SYNJ1: variants seen among roughly 807,000 people sequenced by gnomAD.
SYNJ1 encodes polyphosphatidylinositol phosphatase SYNJ1.
In SYNJ1, 78 loss-of-function variants were observed where a neutral mutation model predicts 168.2. That is an observed-to-expected ratio of 0.46 (90% CI 0.39 to 0.56). The LOEUF (loss-of-function observed/expected upper bound fraction) is 0.56, where lower values mean the gene tolerates loss of function less well. SYNJ1 is among the 20% of genes least tolerant of loss of function. The probability of loss-of-function intolerance (pLI) is 0.00; values close to 1 mark genes in which losing one functional copy is unlikely to be tolerated. For synonymous variants in SYNJ1, 539 were observed against 548.6 expected, an observed-to-expected ratio of 0.98 and a Z score of 0.24; for missense variants, 1,303 against 1,597.6, an observed-to-expected ratio of 0.82 and a Z score of 3.14.
chr21:32,645,077 T>G (rs1032566908), intron 25 of SYNJ1, 71 bp from the exon 26 acceptor site: 2 of 1,460,736 alleles, frequency 1.4e-6, no homozygotes, highest in Middle Eastern at 1.9e-4. Context: ...TGTCAAAGAT[T>G]GCTATAGTAT....
intron 18 of SYNJ1, among the ~76,000 whole-genome samples, chr21:32,662,182 C>T (rs2040734852): frequency 6.6e-6 from 1 of 152,182 alleles, no homozygotes; most frequent in Non-Finnish European, 1.5e-5. Context: ...ATGACAAGCC[C>T]TGCTCCAGTC....
chr21:32,646,266 TC>T, intron 24 of SYNJ1, 126 bp downstream of exon 24: 4 of 900,280 alleles, frequency 4.4e-6, no homozygotes, highest in Non-Finnish European at 7.0e-6. Context: ...CTACAAGTTT[TC>T]CTATTCTGTA....
At chr21:32,645,347 C>G (rs2040013722) in intron 25 of SYNJ1, among the ~76,000 whole-genome samples, 1 of 151,906 alleles carries the variant, frequency 6.6e-6, no homozygotes, top group Non-Finnish European at 1.5e-5. Flanking sequence ...CTAATTTTAC[C>G]TAAGAACAGT....
chr21:32,686,364 T>C (rs899154984), intron 8 of SYNJ1, among the ~76,000 whole-genome samples: 1 of 152,206 alleles, frequency 6.6e-6, no homozygotes, highest in Non-Finnish European at 1.5e-5. Flanking sequence ...CTTTTGGACT[T>C]AGGAGATTGA....
chr21:32,725,567 C>A (rs532511819), intron 2 of SYNJ1, among the ~76,000 whole-genome samples: 1 of 152,228 alleles, frequency 6.6e-6, no homozygotes, highest in South Asian at 2.1e-4. Context: ...ATGTCACTAT[C>A]TTTTTCCCCA....
At position 32,640,597 on chromosome 21, in the gene SYNJ1, G is replaced by C. The variant is rs116796910; in HGVS notation, c.3589-818C>G. Among the ~76,000 whole-genome samples, 508 of 152,202 alleles carry C rather than the reference G, an allele frequency of 3.3e-3. 2 individuals carry two copies. Among genetic ancestry groups the C allele is most frequent in the African/African-American group, 0.012 (478 of 41,528 alleles). ...GGCGTGAGCCACCGTACCTGGTCAA[G>C]ATTTGTTTTTTAAGAGATGGGGTCT... On this transcript the variant is annotated intron_variant, in intron 29 of 32. Coordinates refer to ENST00000674351, the MANE Select transcript of SYNJ1 (RefSeq NM_203446.3).
rs761829649 is a variant in SYNJ1 at position 32,646,560 on chromosome 21, GGAA to G, written c.3077_3079del (p.Leu1026del). On this transcript the variant is annotated inframe_deletion, in exon 24 of 33. Transcript: ENST00000674351. ...ACTTGAAGATGGCTGGAGATGCTGA[GGAA>G]GAAGTTCCTCCACTTCAGCACTATA... 1 of 1,614,104 alleles carries G rather than the reference GGAA, an allele frequency of 6.2e-7. No individual in the cohort carries two copies.
intron 31 of SYNJ1, among the ~76,000 whole-genome samples, chr21:32,636,338 T>C (rs187996964): frequency 6.6e-6 from 1 of 152,364 alleles, no homozygotes; most frequent in Admixed American, 6.5e-5. Context: ...TAACATGTTA[T>C]ATAATCACTC....
chr21:32,660,719 A>T lies in SYNJ1; in HGVS notation c.2305-2847T>A, dbSNP rs151271589. On this transcript the variant is annotated intron_variant, in intron 18 of 32. Coordinates refer to ENST00000674351, the MANE Select transcript of SYNJ1 (RefSeq NM_203446.3). ...CGGGCTCTAGAACTCAGTGAAGGTA[A>T]GACTGTAAACATCTACACTGACTCT... 4.2e-3 allele frequency among the ~76,000 whole-genome samples: 644 copies of T among 152,318 alleles called. 3 individuals are homozygous for T. The highest frequency in any genetic ancestry group is 0.014 in the African/African-American group (599 of 41,566).
intron 2 of SYNJ1, among the ~76,000 whole-genome samples, chr21:32,704,066 T>C (rs1822936981): frequency 6.6e-6 from 1 of 152,178 alleles, no homozygotes; most frequent in Admixed American, 6.6e-5. Context: ...GAAGTCATTC[T>C]ATAACTTAAA....
chr21:32,677,254 G>A (rs2041448524), intron 12 of SYNJ1, among the ~76,000 whole-genome samples: 1 of 152,028 alleles, frequency 6.6e-6, no homozygotes, highest in Non-Finnish European at 1.5e-5. Flanking sequence ...AGTTCTGCTG[G>A]GTGCACTTTT....
intron 31 of SYNJ1, among the ~76,000 whole-genome samples, chr21:32,637,948 C>T (rs1295136865): frequency 1.3e-5 from 2 of 152,158 alleles, no homozygotes; most frequent in East Asian, 1.9e-4. Context: ...GCTGGACATA[C>T]CTATATATCT....
At chr21:32,719,914 TAAGTA>T (rs1241251745) in intron 2 of SYNJ1, among the ~76,000 whole-genome samples, 2 of 151,922 alleles carry the variant, frequency 1.3e-5, no homozygotes, top group African/African-American at 2.4e-5. Context: ...ACAGAACTAT[TAAGTA>T]TTGTTTGTGG....
chr21:32,691,835 C>T (rs1315987397), intron 6 of SYNJ1, among the ~76,000 whole-genome samples: 3 of 152,142 alleles, frequency 2.0e-5, no homozygotes, highest in Non-Finnish European at 4.4e-5. Context: ...AGGAAGAACT[C>T]AAGTATTTAG....
At chr21:32,648,643 C>T (rs2040160346) in intron 23 of SYNJ1, among the ~76,000 whole-genome samples, 2 of 152,162 alleles carry the variant, frequency 1.3e-5, no homozygotes, top group Non-Finnish European at 1.5e-5. Flanking sequence ...TCTGTGTTTC[C>T]ACATACTCAA....
At position 32,678,773 on chromosome 21, in the gene SYNJ1, C is replaced by T. The variant is rs2041511691; in HGVS notation, c.1382G>A (p.Arg461Gln). 3 of 1,612,360 alleles carry T rather than the reference C, an allele frequency of 1.9e-6. No individual in the cohort carries two copies. Among genetic ancestry groups the T allele is most frequent in the African/African-American group, 1.3e-5 (1 of 74,888 alleles). The change falls in exon 12 of 33, where the codon CGA (arginine) becomes CAA (glutamine). Residue 461 changes from arginine to glutamine, a missense_variant. Physicochemically the swap from Arg to Gln is conservative, Grantham distance 43. Transcript: ENST00000674351. ...GTCAAAGAAGTTATTCTGAATTGTT[C>T]GGGTAACAGAGCGAGCACCATCTTT... ...KLKDGARSVTRTIQNNFFDSS... is the reference protein window; with the variant it reads ...KLKDGARSVTQTIQNNFFDSS...
intron 12 of SYNJ1, among the ~76,000 whole-genome samples, chr21:32,677,420 G>C (rs1601390117): frequency 1.3e-5 from 2 of 152,008 alleles, no homozygotes; most frequent in Admixed American, 6.6e-5. Flanking sequence ...TTTTTTAAAG[G>C]TATGATTTTA....
At chr21:32,639,535 G>A (rs1704543817) in intron 30 of SYNJ1, 136 bp downstream of exon 30, 3 of 674,792 alleles carry the variant, frequency 4.4e-6, no homozygotes, top group East Asian at 2.7e-5. Flanking sequence ...GGGACCACAG[G>A]CATGTGCCAT....
chr21:32,686,003 G>A, intron 8 of SYNJ1, 86 bp from the exon 9 acceptor site: 1 of 1,390,418 alleles, frequency 7.2e-7, no homozygotes, highest in Non-Finnish European at 9.7e-7. Flanking sequence ...CATTGACACT[G>A]GCAATAAATC....
Sources: gnomAD v4.1 joint callset for allele counts (sites outside exome capture counted in the v4.1 genomes callset) on GRCh38, gnomAD v4.1.1 for gene constraint, MANE v1.5 for transcripts, NCBI Gene and HGNC (gene_info 2026-07-23, HGNC 2026-07-21) for gene names.